Variants in SDCCAG8 observed in about 807,000 individuals in gnomAD.
SDCCAG8 encodes serologically defined colon cancer antigen 8.
In SDCCAG8, 74 loss-of-function variants were observed where a neutral mutation model predicts 101.8. That is an observed-to-expected ratio of 0.73 (90% CI 0.60 to 0.88). The LOEUF (loss-of-function observed/expected upper bound fraction) is 0.88. Ranked by LOEUF, SDCCAG8 falls within the 40% of genes least tolerant of loss-of-function variation. The pLI, the probability that SDCCAG8 is intolerant of heterozygous loss-of-function variation, is 0.00. For missense variants in SDCCAG8, 787 were observed against 822.6 expected, an observed-to-expected ratio of 0.96 and a Z score of 0.53; for synonymous variants, 281 against 292.9, an observed-to-expected ratio of 0.96 and a Z score of 0.41.
chr1:243,303,787 A>G (rs1391578928), intron 6 of SDCCAG8, among the ~76,000 whole-genome samples: 2 of 152,050 alleles, frequency 1.3e-5, no homozygotes, highest in Non-Finnish European at 1.5e-5. Flanking sequence ...AAAGTTATAC[A>G]TGGGGCCAGG....
intron 10 of SDCCAG8, among the ~76,000 whole-genome samples, chr1:243,335,148 G>A (rs2074910366): frequency 6.6e-6 from 1 of 152,152 alleles, no homozygotes. Flanking sequence ...GGAAGTTATG[G>A]CTAAAATGCT....
At chr1:243,333,099 G>A (rs1451607700) in intron 10 of SDCCAG8, among the ~76,000 whole-genome samples, 2 of 152,120 alleles carry the variant, frequency 1.3e-5, no homozygotes, top group Non-Finnish European at 2.9e-5. Context: ...TCTTGTCCAT[G>A]CCTTAAAATA....
chr1:243,494,722 A>G (rs1667383653), intron 17 of SDCCAG8, among the ~76,000 whole-genome samples: 1 of 152,246 alleles, frequency 6.6e-6, no homozygotes, highest in Non-Finnish European at 1.5e-5. Flanking sequence ...TCCTTCAGAT[A>G]CATTCACTCT....
chr1:243,481,000 C>T (rs1663637031), intron 16 of SDCCAG8, among the ~76,000 whole-genome samples: 2 of 151,836 alleles, frequency 1.3e-5, no homozygotes, highest in Non-Finnish European at 2.9e-5. Context: ...GTCCCACCCA[C>T]TGAGAGGGTC....
intron 6 of SDCCAG8, among the ~76,000 whole-genome samples, chr1:243,298,200 C>A (rs1300317928): frequency 6.6e-6 from 1 of 151,842 alleles, no homozygotes; most frequent in Non-Finnish European, 1.5e-5. Flanking sequence ...GGGCGCATGC[C>A]ACCATGCCCA....
intron 1 of SDCCAG8, among the ~76,000 whole-genome samples, chr1:243,258,583 T>G (rs1026814170): frequency 6.6e-6 from 1 of 152,106 alleles, no homozygotes; most frequent in African/African-American, 2.4e-5. Flanking sequence ...TTTTGTATTT[T>G]TAGTAGAGAC....
chr1:243,462,757 G>T (rs1659381599), intron 16 of SDCCAG8, among the ~76,000 whole-genome samples: 1 of 152,088 alleles, frequency 6.6e-6, no homozygotes, highest in African/African-American at 2.4e-5. Context: ...GTGCTGTTGG[G>T]TCCCCAGCTG....
intron 12 of SDCCAG8, among the ~76,000 whole-genome samples, chr1:243,354,409 A>G (rs148167307): frequency 3.9e-4 from 60 of 152,338 alleles, no homozygotes; most frequent in African/African-American, 1.4e-3. Flanking sequence ...TTTCGTTATG[A>G]TTGGTAATAG....
chr1:243,371,215 G>A (rs2077270185), intron 12 of SDCCAG8, among the ~76,000 whole-genome samples: 1 of 152,114 alleles, frequency 6.6e-6, no homozygotes, highest in Admixed American at 6.6e-5. Context: ...TATAGGCCAA[G>A]AGGTTTTAGA....
chr1:243,406,841 A>T (rs147939767), intron 13 of SDCCAG8, among the ~76,000 whole-genome samples: 18 of 152,312 alleles, frequency 1.2e-4, no homozygotes, highest in African/African-American at 3.6e-4. Flanking sequence ...GTCTTTGCAC[A>T]AACTGTCCAC....
intron 6 of SDCCAG8, among the ~76,000 whole-genome samples, chr1:243,300,821 A>C (rs897876443): frequency 4.6e-5 from 7 of 152,190 alleles, no homozygotes; most frequent in Non-Finnish European, 8.8e-5. Flanking sequence ...ATTTATGAAC[A>C]GTTGGCCCTT....
chr1:243,468,737 G>C (rs1465822697), intron 16 of SDCCAG8, among the ~76,000 whole-genome samples: 2 of 152,186 alleles, frequency 1.3e-5, no homozygotes, highest in Admixed American at 6.5e-5. Context: ...ATTTAGTACA[G>C]TAACTGCACA....
At position 243,434,402 on chromosome 1, in the gene SDCCAG8, A is replaced by C. The variant is rs1206933116; in HGVS notation, c.1985+7844A>C. Among the ~76,000 whole-genome samples the C allele has an allele frequency of 3.3e-5, 5 of 152,248 alleles. No homozygotes were observed. The East Asian group carries it at 9.6e-4, about 29-fold the overall frequency. On this transcript the variant is annotated intron_variant, in intron 16 of 17. Transcript: ENST00000366541. ...AGAGCAAATTAACAAAATTAGATTT[A>C]TATGCCATTATTTTATAATATAAAA...
intron 1 of SDCCAG8, among the ~76,000 whole-genome samples, chr1:243,268,709 T>G (rs1157408913): frequency 1.3e-5 from 2 of 152,226 alleles, no homozygotes; most frequent in African/African-American, 2.4e-5. Context: ...GTACTAACAT[T>G]GCTTTTGTTT....
intron 13 of SDCCAG8, among the ~76,000 whole-genome samples, chr1:243,381,546 G>A (rs1178456780): frequency 1.3e-5 from 2 of 151,672 alleles, no homozygotes; most frequent in Admixed American, 6.6e-5. Flanking sequence ...CTGTGATTGC[G>A]CCGCTACACT....
intron 13 of SDCCAG8, among the ~76,000 whole-genome samples, chr1:243,385,339 G>A (rs1427855279): frequency 1.3e-5 from 2 of 152,190 alleles, no homozygotes; most frequent in Non-Finnish European, 2.9e-5. Context: ...GCAGTGAGCT[G>A]TGATGGCACT....
intron 8 of SDCCAG8, among the ~76,000 whole-genome samples, chr1:243,315,836 C>T (rs1226232382): frequency 6.6e-6 from 1 of 152,180 alleles, no homozygotes; most frequent in Non-Finnish European, 1.5e-5. Context: ...GTTTAGTCTT[C>T]AACTCTTTAA....
intron 12 of SDCCAG8, among the ~76,000 whole-genome samples, chr1:243,368,199 G>A (rs1303523593): frequency 9.8e-6 from 1 of 102,420 alleles, no homozygotes; most frequent in Non-Finnish European, 2.0e-5. Context: ...CTAAGACAAT[G>A]AGACCCTGTC....
Position 243,317,273 on chromosome 1 carries a change from A to G in SDCCAG8, c.1068+380A>G, listed in dbSNP as rs557513152. Among the ~76,000 whole-genome samples, 24 of 152,296 alleles carry G rather than the reference A, an allele frequency of 1.6e-4. No homozygotes were observed. In the South Asian group the frequency reaches 5.0e-3, roughly 32 times the overall value. ...TCCTCAATAATTGGGAAGTTTTGAG[A>G]AAATCCAAATATACCAAAGACAATA... is the stretch of plus-strand genomic sequence containing the variant. On this transcript the variant is annotated intron_variant, in intron 9 of 17. Transcript: ENST00000366541.
Sources: allele counts gnomAD v4.1 joint callset (sites outside exome capture counted in the v4.1 genomes callset), GRCh38; gene constraint gnomAD v4.1.1; transcripts MANE v1.5; gene names NCBI Gene and HGNC (gene_info 2026-07-23, HGNC 2026-07-21).